Variants in DSG1 observed in about 807,000 individuals in gnomAD.
The protein encoded by DSG1 is desmoglein 1.
A neutral mutation model predicts 97.5 loss-of-function variants in DSG1; 39 were observed. The observed-to-expected ratio is 0.40, with a 90% CI of 0.31 to 0.52. The LOEUF (loss-of-function observed/expected upper bound fraction) is 0.52, where lower values mean the gene tolerates loss of function less well. DSG1 is among the 20% of genes least tolerant of loss of function. The pLI is 0.53. For synonymous variants in DSG1, 475 were observed against 443.4 expected (o/e 1.07, Z -0.90); for missense variants, 1,311 against 1,295.4 (o/e 1.01, Z -0.18).
rs1334805109 is a variant in DSG1, at chr18:31,334,081, T to G, written c.884T>G (p.Leu295Trp). 6.2e-7 allele frequency: 1 copy of G among 1,611,024 alleles called. No homozygotes were observed. The highest frequency in any genetic ancestry group is 8.5e-7 in the Non-Finnish European group (1 of 1,177,390). The change falls in exon 8 of 15, where the codon TTG becomes TGG. Residue 295 changes from leucine to tryptophan, a missense_variant. Leu to Trp is a moderately conservative substitution (Grantham distance 61, BLOSUM62 -2). This residue lies in a region of DSG1 where 1,038 missense variants were observed against 964.6 expected (regional missense o/e 1.08). Transcript: ENST00000257192. The stretch of plus-strand genomic sequence containing the variant: ...TTGCTCGAGATTAGAGTAATTGATT[T>G]GGATGAAGAGTTCTCAGCTAACTGG... Reference protein sequence around the residue: ...SNLLEIRVIDLDEEFSANWMA... With the variant: ...SNLLEIRVIDWDEEFSANWMA...
At chr18:31,328,527 C>A (rs1446149164) in intron 4 of DSG1, among the ~76,000 whole-genome samples, 183 bp downstream of exon 4, 4 of 152,132 alleles carry the variant, frequency 2.6e-5, no homozygotes, top group Non-Finnish European at 5.9e-5. Context: ...GGAAATGTTT[C>A]ACTTAAGTGT....
chr18:31,329,811 C>T, intron 4 of DSG1, 81 bp from the exon 5 acceptor site: 1 of 1,517,946 alleles, frequency 6.6e-7, no homozygotes, highest in Non-Finnish European at 9.1e-7. Flanking sequence ...TTTAATTCGC[C>T]ACAGTGCTAG....
chr18:31,348,554 A>G (rs980328391), intron 14 of DSG1, among the ~76,000 whole-genome samples: 2 of 150,248 alleles, frequency 1.3e-5, no homozygotes, highest in South Asian at 2.1e-4. Flanking sequence ...ACTGACTTCC[A>G]CCATGGTTGA....
At chr18:31,337,245 G>T (rs992280223) in intron 9 of DSG1, among the ~76,000 whole-genome samples, 2 of 151,584 alleles carry the variant, frequency 1.3e-5, no homozygotes, top group Non-Finnish European at 2.9e-5. Context: ...GGGGTTTTTT[G>T]TTTGTTTGTT....
chr18:31,336,235 T>C (rs958597778), intron 8 of DSG1, 119 bp from the exon 9 acceptor site: 6 of 818,224 alleles, frequency 7.3e-6, no homozygotes, highest in Admixed American at 5.5e-5. Flanking sequence ...TGTATTTGTG[T>C]GCATTTGTGT....
chr18:31,326,559 G>A, intron 1 of DSG1, 22 bp from the exon 2 acceptor site: 1 of 1,556,380 alleles, frequency 6.4e-7, no homozygotes, highest in Non-Finnish European at 8.9e-7. Context: ...AATAACTAGT[G>A]TGATTATCTT....
Position 31,354,575 on chromosome 18 carries a change from T to C in DSG1, c.2379T>C (p.Val793=). Residue 793 remains valine (V), a synonymous_variant, in exon 15 of 15, where the codon GTT becomes GTC. Transcript: ENST00000257192. ...VCLPQETEPV[V]SGHPPISPHF... ...TTCCTCAGGAAACAGAGCCCGTTGT[T>C]AGTGGACACCCACCAATCTCCCCAC... 4 of 1,614,200 alleles carry C rather than the reference T, an allele frequency of 2.5e-6. No homozygotes were observed. Among genetic ancestry groups the C allele is most frequent in the Non-Finnish European group, 3.4e-6 (4 of 1,180,030 alleles).
Position 31,331,998 on chromosome 18 carries a change from C to A in DSG1, c.684+131C>A, listed in dbSNP as rs2144093732. ...ACTTGTATAACTTTTTCACATAATT[C>A]TTTCATGTAAGAAATATTTTTTAAA... On this transcript the variant is annotated intron_variant, in intron 6 of 14. Coordinates refer to ENST00000257192, the MANE Select transcript of DSG1 (RefSeq NM_001942.4). 3.7e-6 allele frequency: 3 copies of A among 815,754 alleles called. No individual in the cohort carries two copies. The East Asian group carries it at 8.2e-5, about 22-fold the overall frequency. 50.5% of individuals were successfully genotyped at this position (815,754 alleles called of 1,614,324 possible).
intron 11 of DSG1, among the ~76,000 whole-genome samples, chr18:31,341,938 T>G (rs2071791850): frequency 8.9e-6 from 1 of 112,230 alleles, no homozygotes; most frequent in Admixed American, 8.0e-5. Context: ...GTTTTTTTGT[T>G]TTTTTGTTTT....
rs747028661 is a variant in DSG1, at chr18:31,355,306, G to A, written c.3110G>A (p.Ser1037Asn). The A allele has an allele frequency of 1.2e-6, 2 of 1,614,186 alleles. No individual in the cohort carries two copies. The highest frequency in any genetic ancestry group is 2.2e-5 in the South Asian group (2 of 91,086). Residue 1037 changes from serine to asparagine, a missense_variant, in exon 15 of 15, where the codon AGT becomes AAT. By Grantham distance (46) the Ser-to-Asn change is conservative (BLOSUM62 1). Transcript: ENST00000257192. Reference sequence around the variant, plus strand: ...TCCGCCTCCCCTAGCACAGCTCGAAGTCGAATCACAAAGTATAGTACCGTG... The same window carrying A: ...TCCGCCTCCCCTAGCACAGCTCGAAATCGAATCACAAAGTATAGTACCGTG... The part of the protein sequence containing the change: ...IGSASPSTAR[S>N]RITKYSTVQY...
chr18:31,326,623 TA>T lies in DSG1; in HGVS notation c.84+8del, dbSNP rs2144087483. On this transcript the variant is annotated splice_region_variant and intron_variant, in intron 2 of 14. Transcript: ENST00000257192. ...CAGTGAATTCCGAATCCAGGTAATA[TA>T]TAACAAATCCATTTTTCCAAATTTT... 1 of 1,600,530 alleles carries T rather than the reference TA, an allele frequency of 6.2e-7. No homozygotes were observed. Among genetic ancestry groups the T allele is most frequent in the Non-Finnish European group, 8.6e-7 (1 of 1,168,500 alleles).
At chr18:31,318,722 T>G (rs78393774) in intron 1 of DSG1, among the ~76,000 whole-genome samples, 2 of 107,328 alleles carry the variant, frequency 1.9e-5, no homozygotes, top group Non-Finnish European at 4.1e-5. Context: ...TTTTAACCTG[T>G]TTTTTTTTTT....
rs752163646 is a variant in DSG1, at chr18:31,334,094, C to A, written c.897C>A (p.Phe299Leu). ...GAGTAATTGATTTGGATGAAGAGTT[C>A]TCAGCTAACTGGATGGCAGTAATTT... ...EIRVIDLDEE[F>L]SANWMAVIFF... is the part of the protein sequence containing the mutation. Residue 299 changes from phenylalanine to leucine, a missense_variant, in exon 8 of 15, where the codon TTC (phenylalanine) becomes TTA (leucine). By Grantham distance (22) the Phe-to-Leu change is conservative (BLOSUM62 0). Transcript: ENST00000257192. The A allele has an allele frequency of 6.2e-7, 1 of 1,610,056 alleles. No homozygotes were observed. The highest frequency in any genetic ancestry group is 1.1e-5 in the South Asian group (1 of 90,978).
Position 31,355,145 on chromosome 18 carries a change from C to G in DSG1, c.2949C>G (p.Ser983Arg), listed in dbSNP as rs776650893. 27 of 1,611,334 alleles carry G rather than the reference C, an allele frequency of 1.7e-5. No individual in the cohort carries two copies. Among genetic ancestry groups the G allele is most frequent in the Non-Finnish European group, 2.1e-5 (25 of 1,178,128 alleles). Reference protein sequence around the residue: ...GIGSSGLVGTSMGAGSGALSG... With the variant: ...GIGSSGLVGTRMGAGSGALSG... ...GCAGCAGTGGCCTGGTTGGCACCAGCATGGGTGCTGGGAGCGGTGCCCTGA... is the reference window on the plus strand; with the variant it reads ...GCAGCAGTGGCCTGGTTGGCACCAGGATGGGTGCTGGGAGCGGTGCCCTGA... Residue 983 changes from serine to arginine, a missense_variant, in exon 15 of 15, where the codon AGC becomes AGG. By Grantham distance (110) the Ser-to-Arg change is moderately radical (BLOSUM62 -1). This residue lies in a region of DSG1 where 1,038 missense variants were observed against 964.6 expected (regional missense o/e 1.08). Transcript: ENST00000257192.
chr18:31,349,364 T>C (rs1023221473), intron 14 of DSG1, among the ~76,000 whole-genome samples: 1 of 149,748 alleles, frequency 6.7e-6, no homozygotes, highest in Non-Finnish European at 1.5e-5. Flanking sequence ...TTTTGGTTAC[T>C]GTAGCCTTAT....
rs2071957000 is a variant in DSG1 at position 31,356,215 on chromosome 18, C to T, written c.*869C>T. The T allele has an allele frequency of 6.6e-6, 1 of 152,178 alleles. No individual in the cohort carries two copies. Among genetic ancestry groups the T allele is most frequent in the African/African-American group, 2.4e-5 (1 of 41,434 alleles). The allele number at this position is 152,178 out of a possible 1,614,324, so 9.4% of individuals were successfully genotyped here. ...ACTTCTCGAATTGAAGCAAGTGAGG[C>T]CTGACATGGTTGTCATCACTAGTGG... On this transcript the variant is annotated 3_prime_UTR_variant, in exon 15 of 15. Transcript: ENST00000257192.
At chr18:31,344,190 A>C (rs902758296) in intron 13 of DSG1, among the ~76,000 whole-genome samples, 195 bp downstream of exon 13, 1 of 152,192 alleles carries the variant, frequency 6.6e-6, no homozygotes, top group Non-Finnish European at 1.5e-5. Flanking sequence ...TTCATTTTAA[A>C]AATTTTCCTC....
intron 13 of DSG1, among the ~76,000 whole-genome samples, chr18:31,344,583 A>C (rs922491408): frequency 6.6e-6 from 1 of 152,216 alleles, no homozygotes; most frequent in South Asian, 2.1e-4. Flanking sequence ...AAACACTATC[A>C]AAATCTTTCT....
At chr18:31,319,927 T>C (rs1211120548) in intron 1 of DSG1, among the ~76,000 whole-genome samples, 1 of 152,056 alleles carries the variant, frequency 6.6e-6, no homozygotes, top group Non-Finnish European at 1.5e-5. Flanking sequence ...GGGGTTTTTT[T>C]GGGAATGGGG....
Sources: gnomAD v4.1 joint callset for allele counts (sites outside exome capture counted in the v4.1 genomes callset) on GRCh38, gnomAD v4.1.1 for gene constraint, gnomAD v4.1.1 regional missense constraint, MANE v1.5 for transcripts, NCBI Gene and HGNC (gene_info 2026-07-23, HGNC 2026-07-21) for gene names.